MTNR1B: variants seen among roughly 807,000 people sequenced by gnomAD.
The protein encoded by MTNR1B is melatonin receptor 1B.
MTNR1B carries 7 observed loss-of-function variants against 7.0 expected under a neutral mutation model. That is an observed-to-expected ratio of 1.00 (90% CI 0.57 to 1.88). The LOEUF (loss-of-function observed/expected upper bound fraction) is 1.88. MTNR1B is among the 40% of genes most tolerant of loss of function. MTNR1B has a pLI of 0.00. For synonymous variants in MTNR1B, 226 were observed against 208.2 expected (o/e 1.09, Z -0.74); for missense variants, 478 against 486.5 (o/e 0.98, Z 0.16).
rs1208373421 is a variant in MTNR1B at position 92,982,451 on chromosome 11, G to A, written c.*139G>A. On this transcript the variant is annotated 3_prime_UTR_variant, in exon 2 of 2. Coordinates refer to ENST00000257068, the MANE Select transcript of MTNR1B (RefSeq NM_005959.5). ...AGCCCCAAGGCTGGGGGAACTTCATGCTGGGACAAGCAGCCCATCAACGCC... is the reference window on the plus strand; with the variant it reads ...AGCCCCAAGGCTGGGGGAACTTCATACTGGGACAAGCAGCCCATCAACGCC... The A allele has an allele frequency of 9.6e-7, 1 of 1,047,038 alleles. No individual in the cohort carries two copies. The highest frequency in any genetic ancestry group is 1.3e-6 in the Non-Finnish European group (1 of 742,720). The allele number at this position is 1,047,038 out of a possible 1,614,324, so 64.9% of individuals were successfully genotyped here.
chr11:92,984,748 G>A, downstream of MTNR1B: 1 of 388,842 alleles, frequency 2.6e-6, no homozygotes, highest in Non-Finnish European at 5.1e-6. Context: ...GCTGTTACCT[G>A]GTTTGCCAGG....
At chr11:92,975,948 C>T (rs114739898) in intron 1 of MTNR1B, among the ~76,000 whole-genome samples, 2,603 of 152,316 alleles carry the variant, frequency 0.017, 43 homozygotes, top group African/African-American at 0.042. Context: ...TGGACTCCTT[C>T]CTGAATGTTT....
In MTNR1B at chr11:92,981,915, G is replaced by T. The variant is rs8192553; in HGVS notation, c.692G>T (p.Arg231Leu). ...ATCTGGGTGCTGGTGCTTCAGGCCC[G>T]CAGGAAAGCCAAGCCAGAGAGCAGG... The part of the protein sequence containing the change: ...LRIWVLVLQA[R>L]RKAKPESRLC... Residue 231 changes from arginine to leucine, a missense_variant, in exon 2 of 2, where the codon CGC becomes CTC. Physicochemically the swap from Arg to Leu is moderately radical, Grantham distance 102. Coordinates refer to ENST00000257068, the MANE Select transcript of MTNR1B (RefSeq NM_005959.5). 24 of 1,614,048 alleles carry T rather than the reference G, an allele frequency of 1.5e-5. No homozygotes were observed. Among genetic ancestry groups the T allele is most frequent in the Non-Finnish European group, 2.0e-5 (24 of 1,180,050 alleles).
At chr11:92,971,418 T>C (rs1857920927) in intron 1 of MTNR1B, among the ~76,000 whole-genome samples, 1 of 152,230 alleles carries the variant, frequency 6.6e-6, no homozygotes, top group Admixed American at 6.5e-5. Context: ...TTCAAAATAT[T>C]GTGTCCTTTG....
chr11:92,982,160 C>T lies in MTNR1B; in HGVS notation c.937C>T (p.Gln313Ter), dbSNP rs373981936. The T allele has an allele frequency of 1.9e-6, 3 of 1,614,192 alleles. No homozygotes were observed. Among genetic ancestry groups the T allele is most frequent in the South Asian group, 2.2e-5 (2 of 91,076 alleles). The change falls in exon 2 of 2, where the codon CAA (glutamine) becomes TAA (stop). Residue 313 changes from glutamine to a stop codon, truncating the protein, a stop_gained. Coordinates refer to ENST00000257068, the MANE Select transcript of MTNR1B (RefSeq NM_005959.5). LOFTEE classifies it low-confidence loss of function (END_TRUNC). Reference protein sequence around the residue: ...LNAIVYGLLNQNFRREYKRIL... With the variant: ...LNAIVYGLLN ...TGCCATTGTCTATGGGCTCTTGAAC[C>T]AAAACTTCCGCAGGGAATACAAGAG...
chr11:92,976,997 C>T (rs111787020), intron 1 of MTNR1B, among the ~76,000 whole-genome samples: 1,850 of 152,252 alleles, frequency 0.012, 21 homozygotes, highest in Non-Finnish European at 0.021. Flanking sequence ...TGTTTTGTTG[C>T]TATTAAGTGT....
At chr11:92,981,216 C>T (rs181032627) in intron 1 of MTNR1B, among the ~76,000 whole-genome samples, 7 of 152,316 alleles carry the variant, frequency 4.6e-5, no homozygotes, top group Non-Finnish European at 8.8e-5. Context: ...GTAGGTATCA[C>T]TGCCCCTAGT....
downstream of MTNR1B, among the ~76,000 whole-genome samples, chr11:92,983,282 G>A (rs1333106856): frequency 3.3e-5 from 5 of 152,254 alleles, no homozygotes; most frequent in African/African-American, 4.8e-5. Flanking sequence ...CACCGGATGC[G>A]GTGCCTCACC....
chr11:92,980,039 T>C (rs982369865), intron 1 of MTNR1B, among the ~76,000 whole-genome samples: 2 of 152,206 alleles, frequency 1.3e-5, no homozygotes, highest in African/African-American at 4.8e-5. Flanking sequence ...GCCTCTCCAA[T>C]TGCTGTGCTT....
At chr11:92,975,994 A>C (rs1402955754) in intron 1 of MTNR1B, among the ~76,000 whole-genome samples, 1 of 152,210 alleles carries the variant, frequency 6.6e-6, no homozygotes, top group Non-Finnish European at 1.5e-5. Context: ...AGCTGTGAAT[A>C]CCTTATTGCC....
intron 1 of MTNR1B, among the ~76,000 whole-genome samples, chr11:92,973,797 G>A (rs984260672): frequency 6.6e-6 from 1 of 152,132 alleles, no homozygotes; most frequent in African/African-American, 2.4e-5. Context: ...TTCAGTTTCT[G>A]TCCACAGAGC....
intron 1 of MTNR1B, among the ~76,000 whole-genome samples, chr11:92,974,834 C>T (rs1438269867): frequency 6.6e-6 from 1 of 152,140 alleles, no homozygotes; most frequent in Non-Finnish European, 1.5e-5. Flanking sequence ...GATCTCCTGA[C>T]CTCGTGATCC....
chr11:92,972,326 T>C (rs1248315757), intron 1 of MTNR1B: 1 of 443,410 alleles, frequency 2.3e-6, no homozygotes, highest in African/African-American at 2.0e-5. Context: ...ACAGCATGTT[T>C]CCCAGGAGAC....
Position 92,982,319 on chromosome 11 carries a change from T to A in MTNR1B, c.*7T>A, listed in dbSNP as rs372168369. On this transcript the variant is annotated 3_prime_UTR_variant, in exon 2 of 2. Transcript: ENST00000257068. ...CCAGGCAGATGCTCTCTAGCCTGGA[T>A]CTGAGGCACACCAGCAGCATGACAA... 1.9e-4 allele frequency: 308 copies of A among 1,604,340 alleles called. No homozygotes were observed. Among genetic ancestry groups the A allele is most frequent in the Non-Finnish European group, 2.4e-4 (286 of 1,176,464 alleles).
rs763476719 is a variant in MTNR1B at position 92,981,748 on chromosome 11, C to A, written c.525C>A (p.Asn175Lys). The change falls in exon 2 of 2, where the codon AAC becomes AAA. Residue 175 changes from asparagine (N) to lysine (K), a missense_variant. Physicochemically the swap from Asn to Lys is moderately conservative, Grantham distance 94 (BLOSUM62 0). Coordinates refer to ENST00000257068, the MANE Select transcript of MTNR1B (RefSeq NM_005959.5). ...WLLTVVALLP[N>K]FFVGSLEYDP... ...TCACCGTGGTGGCCTTGCTGCCCAA[C>A]TTCTTTGTGGGGTCCCTGGAGTACG... 1 of 1,614,258 alleles carries A rather than the reference C, an allele frequency of 6.2e-7. No individual in the cohort carries two copies. The highest frequency in any genetic ancestry group is 1.1e-5 in the South Asian group (1 of 91,086).
chr11:92,978,049 C>CAAATGTCACA (rs1172460880), intron 1 of MTNR1B, among the ~76,000 whole-genome samples: 1 of 152,180 alleles, frequency 6.6e-6, no homozygotes, highest in Non-Finnish European at 1.5e-5. Flanking sequence ...ACATAAATGA[C>CAAATGTCACA]TTGATGATTC....
chr11:92,979,517 T>C (rs1858063625), intron 1 of MTNR1B, among the ~76,000 whole-genome samples: 1 of 152,206 alleles, frequency 6.6e-6, no homozygotes, highest in South Asian at 2.1e-4. Flanking sequence ...GTAGAGTAGG[T>C]AGGAATCCAG....
chr11:92,978,241 G>C (rs1858042751), intron 1 of MTNR1B, among the ~76,000 whole-genome samples: 2 of 152,180 alleles, frequency 1.3e-5, no homozygotes, highest in African/African-American at 4.8e-5. Context: ...CTCTTTCCTA[G>C]ATTACCAGAT....
In MTNR1B at chr11:92,981,892, C is replaced by T; in HGVS notation, c.669C>T (p.Ile223=). 1.2e-6 allele frequency: 2 copies of T among 1,614,222 alleles called. No homozygotes were observed. Among genetic ancestry groups the T allele is most frequent in the Non-Finnish European group, 1.7e-6 (2 of 1,180,046 alleles). The part of the protein sequence containing the change: ...IAVVSFCYLR[I]WVLVLQARRK... ...TCGTGTCCTTCTGCTACCTGCGCAT[C>T]TGGGTGCTGGTGCTTCAGGCCCGCA... Residue 223 remains isoleucine (I), a synonymous_variant, in exon 2 of 2, where the codon ATC becomes ATT. Coordinates refer to ENST00000257068, the MANE Select transcript of MTNR1B (RefSeq NM_005959.5).
Sources: gnomAD v4.1 joint callset for allele counts (sites outside exome capture counted in the v4.1 genomes callset) on GRCh38, gnomAD v4.1.1 for gene constraint, MANE v1.5 for transcripts, NCBI Gene and HGNC (gene_info 2026-07-23, HGNC 2026-07-21) for gene names.